The following C5orf63 variants were observed in gnomAD, a reference collection of about 807,000 sequenced individuals.
C5orf63 encodes the protein glutaredoxin-like protein C5orf63.
A neutral mutation model predicts 13.3 loss-of-function variants in C5orf63; 18 were observed. The ratio of observed to expected loss-of-function variants is 1.36; its 90% CI spans 0.94 to 2.01. The LOEUF (loss-of-function observed/expected upper bound fraction) is 2.01, where lower values mean the gene tolerates loss of function less well. Among genes scored for constraint, C5orf63 ranks in the 30% most tolerant of loss-of-function variants. C5orf63 has a pLI of 0.00. For missense variants in C5orf63, 118 were observed against 127.7 expected (o/e 0.92, Z 0.36); for synonymous variants, 38 against 44.7 (o/e 0.85, Z 0.60).
chr5:127,052,577 A>G lies in C5orf63; in HGVS notation c.171+36T>C, dbSNP rs1263161195. The G allele has an allele frequency of 8.1e-6, 11 of 1,351,840 alleles. No homozygotes were observed. The East Asian group carries it at 3.0e-4, about 37-fold the overall frequency. The allele number at this position is 1,351,840 out of a possible 1,614,324, so 83.7% of individuals were successfully genotyped here. A position where few individuals can be genotyped will look rare whatever the true frequency, so the allele number is the denominator to read the frequency against. On this transcript the variant is annotated intron_variant, in intron 4 of 4. Transcript: ENST00000296662. ...TACTTTATACCACATCTAATATGCA[A>G]TCCATATACATAAAAGCCACACTGT...
intron 1 of C5orf63, among the ~76,000 whole-genome samples, chr5:127,072,820 G>A (rs1207261033): frequency 6.6e-6 from 1 of 152,156 alleles, no homozygotes; most frequent in African/African-American, 2.4e-5. Flanking sequence ...TTAAAAAACT[G>A]TATGAGCTGC....
At chr5:127,069,928 C>T (rs1027325548) in intron 2 of C5orf63, among the ~76,000 whole-genome samples, 10 of 151,800 alleles carry the variant, frequency 6.6e-5, no homozygotes, top group African/African-American at 2.2e-4. Flanking sequence ...TCTCCTGGAA[C>T]AATGGCATAT....
At chr5:127,063,243 A>G (rs1331328873) in intron 2 of C5orf63, among the ~76,000 whole-genome samples, 1 of 152,212 alleles carries the variant, frequency 6.6e-6, no homozygotes, top group East Asian at 1.9e-4. Flanking sequence ...GGACCAATTC[A>G]GCCCTCCTTG....
chr5:127,055,829 C>T (rs6882795), intron 3 of C5orf63, among the ~76,000 whole-genome samples: 149,583 of 152,306 alleles, frequency 0.98, 73,469 homozygotes, highest in East Asian at 1. Flanking sequence ...ATTGGGTTTT[C>T]TGTTTTGTTT....
chr5:127,065,532 C>G lies in C5orf63; in HGVS notation c.-8+6052G>C, dbSNP rs191048867. On this transcript the variant is annotated intron_variant, in intron 2 of 4. Coordinates refer to ENST00000296662, the MANE Select transcript of C5orf63 (RefSeq NM_001164478.2). ...ATGGAGGTAGGAATGACATGGCTAT[C>G]TGATGGGGGAAACCTTGAACGGGGT... Among the ~76,000 whole-genome samples the G allele has an allele frequency of 4.6e-5, 7 of 152,236 alleles. No individual in the cohort carries two copies. In the East Asian group the frequency reaches 1.4e-3, roughly 29 times the overall value.
intron 2 of C5orf63, among the ~76,000 whole-genome samples, chr5:127,065,394 G>A (rs1486666169): frequency 1.3e-5 from 2 of 152,174 alleles, no homozygotes; most frequent in African/African-American, 4.8e-5. Context: ...GAGTACTATA[G>A]GCTAAAATTG....
chr5:127,053,056 A>T lies in C5orf63; in HGVS notation c.115-387T>A, dbSNP rs1697453782. 2.0e-5 allele frequency among the ~76,000 whole-genome samples: 3 copies of T among 152,332 alleles called. No individual in the cohort carries two copies. In the South Asian group the frequency reaches 6.2e-4, roughly 32 times the overall value. On this transcript the variant is annotated intron_variant, in intron 3 of 4. Coordinates refer to ENST00000296662, the MANE Select transcript of C5orf63 (RefSeq NM_001164478.2). ...CTGGCTGACACCACGAGGATGGCTT[A>T]AAGTCTGCTCTGACTGAAAAGCACT...
At chr5:127,052,127 C>T (rs1421546178) in intron 4 of C5orf63, among the ~76,000 whole-genome samples, 180 bp from the exon 5 acceptor site, 1 of 152,184 alleles carries the variant, frequency 6.6e-6, no homozygotes, top group African/African-American at 2.4e-5. Flanking sequence ...TCATTATATT[C>T]TCTACTTCCT....
intron 3 of C5orf63, among the ~76,000 whole-genome samples, chr5:127,057,703 A>G (rs945132546): frequency 2.6e-5 from 4 of 152,248 alleles, no homozygotes; most frequent in Non-Finnish European, 5.9e-5. Context: ...CAAAGCATTC[A>G]TTCTAAGCTG....
chr5:127,053,957 T>C (rs1753783569), intron 3 of C5orf63, among the ~76,000 whole-genome samples: 1 of 152,142 alleles, frequency 6.6e-6, no homozygotes, highest in African/African-American at 2.4e-5. Context: ...TGGCTTATCA[T>C]GTTATTATTA....
At chr5:127,049,734 T>G (rs757826914), downstream of C5orf63, among the ~76,000 whole-genome samples, 2 of 152,244 alleles carry the variant, frequency 1.3e-5, no homozygotes, top group Non-Finnish European at 2.9e-5. Context: ...AAGACATATT[T>G]ATTGTCTTTC....
chr5:127,054,773 G>A (rs1053268635), intron 3 of C5orf63, among the ~76,000 whole-genome samples: 1 of 152,130 alleles, frequency 6.6e-6, no homozygotes, highest in Non-Finnish European at 1.5e-5. Context: ...GGCTTTTGTT[G>A]CCATTGCTTT....
chr5:127,065,479 T>C (rs1427691578), intron 2 of C5orf63, among the ~76,000 whole-genome samples: 1 of 152,156 alleles, frequency 6.6e-6, no homozygotes, highest in East Asian at 1.9e-4. Flanking sequence ...GGGAAAGCTT[T>C]CCAAATTCAG....
intron 2 of C5orf63, among the ~76,000 whole-genome samples, chr5:127,064,943 G>T (rs773151112): frequency 6.6e-6 from 1 of 152,088 alleles, no homozygotes; most frequent in Non-Finnish European, 1.5e-5. Flanking sequence ...CTTAGTAGAT[G>T]CACATCCCCT....
At chr5:127,049,366 A>G (rs1411164050), downstream of C5orf63, among the ~76,000 whole-genome samples, 2 of 152,092 alleles carry the variant, frequency 1.3e-5, no homozygotes, top group African/African-American at 4.8e-5. Flanking sequence ...CCACACCCTC[A>G]TATTTTACAT....
chr5:127,046,326 T>C (rs1753520382), downstream of C5orf63: 1 of 152,248 alleles, frequency 6.6e-6, no homozygotes. Context: ...ATGCTTTCTC[T>C]CTACTCCCCT....
At chr5:127,052,752 A>G (rs1024305923) in intron 3 of C5orf63, 83 bp from the exon 4 acceptor site, 12 of 1,008,196 alleles carry the variant, frequency 1.2e-5, no homozygotes, top group African/African-American at 3.3e-5. Context: ...CAAAAAACCC[A>G]TAAGAGGCAG....
At position 127,051,557 on chromosome 5, in the gene C5orf63, T is replaced by C; in HGVS notation, c.*214A>G. 7 of 1,246,430 alleles carry C rather than the reference T, an allele frequency of 5.6e-6. No individual in the cohort carries two copies. The highest frequency in any genetic ancestry group is 7.0e-6 in the Non-Finnish European group (7 of 996,140). The allele number at this position is 1,246,430 out of a possible 1,614,324, so 77.2% of individuals were successfully genotyped here. ...TCCATCATCTCCCTCCCTGCTAATA[T>C]GCTCTTCTTATTTTATAAAATGCCA... On this transcript the variant is annotated 3_prime_UTR_variant, in exon 5 of 5. Coordinates refer to ENST00000296662, the MANE Select transcript of C5orf63 (RefSeq NM_001164478.2).
exon 5 of C5orf63, chr5:127,045,313 C>G (rs894952015): frequency 6.6e-6 from 1 of 152,168 alleles, no homozygotes; most frequent in Non-Finnish European, 1.5e-5. Context: ...AGGGCTTGCT[C>G]CTTCGGGAGG....
Sources: gnomAD v4.1 joint callset for allele counts (sites outside exome capture counted in the v4.1 genomes callset) on GRCh38, gnomAD v4.1.1 for gene constraint, MANE v1.5 for transcripts, NCBI Gene and HGNC (gene_info 2026-07-23, HGNC 2026-07-21) for gene names.